The following CLDN16 variants were observed in gnomAD, a reference collection of about 807,000 sequenced individuals.
CLDN16 encodes the protein claudin 16, also known as claudin-16.
CLDN16 carries 13 observed loss-of-function variants against 24.6 expected under a neutral mutation model. That is an observed-to-expected ratio of 0.53 (90% CI 0.34 to 0.84). The LOEUF is 0.84. Ranked by LOEUF, CLDN16 falls within the 40% of genes least tolerant of loss-of-function variation. The pLI, the probability that CLDN16 is intolerant of heterozygous loss-of-function variation, is 0.01. For missense variants in CLDN16, 298 were observed against 292.7 expected (o/e 1.02, Z -0.13); for synonymous variants, 116 against 106.7 (o/e 1.09, Z -0.54).
chr3:190,402,187 T>C (rs1718979121), intron 1 of CLDN16, 150 bp from the exon 2 acceptor site: 1 of 701,390 alleles, frequency 1.4e-6, no homozygotes. Context: ...AATATTCTAA[T>C]ACGCATTGTT....
chr3:190,313,136 A>G, the CLDN16 span: 4 of 1,379,214 alleles, frequency 2.9e-6, no homozygotes, highest in Non-Finnish European at 4.1e-6. Context: ...GGAAGAGAGA[A>G]AACTGGACTA....
At chr3:190,363,556 G>GTGTATATATATATA (rs1301414615) in intron 1 of CLDN16, among the ~76,000 whole-genome samples, 42 of 87,356 alleles carry the variant, frequency 4.8e-4, no homozygotes, top group African/African-American at 1.9e-3. Context: ...GTGTGTGTGT[G>GTGTATATATATATA]TATATATATA....
intron 3 of CLDN16, among the ~76,000 whole-genome samples, chr3:190,375,248 C>A (rs547687120): frequency 6.6e-6 from 1 of 152,024 alleles, no homozygotes; most frequent in South Asian, 2.1e-4. Context: ...AACTTACTGA[C>A]AGCATTTTTG....
chr3:190,366,774 C>T (rs1718034447), intron 1 of CLDN16, among the ~76,000 whole-genome samples: 1 of 151,904 alleles, frequency 6.6e-6, no homozygotes, highest in South Asian at 2.1e-4. Context: ...AGGAAAGAAG[C>T]TCCCTATAAC....
At chr3:190,359,343 A>G (rs1717840441) in intron 1 of CLDN16, among the ~76,000 whole-genome samples, 1 of 152,040 alleles carries the variant, frequency 6.6e-6, no homozygotes, top group East Asian at 1.9e-4. Flanking sequence ...CTTAATGCCT[A>G]TGCAGTATTG....
At chr3:190,400,023 C>G (rs757170135) in intron 1 of CLDN16, among the ~76,000 whole-genome samples, 11 of 152,168 alleles carry the variant, frequency 7.2e-5, no homozygotes, top group African/African-American at 2.7e-4. Flanking sequence ...CCAAAAGCAT[C>G]CCCAACCCCC....
intron 1 of CLDN16, among the ~76,000 whole-genome samples, chr3:190,343,724 C>T (rs1717488123): frequency 6.6e-6 from 1 of 151,972 alleles, no homozygotes; most frequent in African/African-American, 2.4e-5. Flanking sequence ...TATCACATGA[C>T]TTCACTTATA....
chr3:190,315,723 C>A, the CLDN16 span, among the ~76,000 whole-genome samples: 1 of 152,068 alleles, frequency 6.6e-6, no homozygotes, highest in South Asian at 2.1e-4. Context: ...TTGTGGGGCC[C>A]CAAACTGGAC....
the CLDN16 span, chr3:190,312,994 A>T: frequency 6.2e-7 from 1 of 1,614,204 alleles, no homozygotes; most frequent in Non-Finnish European, 8.5e-7. Flanking sequence ...CACTCCCAGG[A>T]GGATGCCAAC....
chr3:190,349,669 A>T (rs1287886134), intron 1 of CLDN16, among the ~76,000 whole-genome samples: 1 of 152,204 alleles, frequency 6.6e-6, no homozygotes, highest in Non-Finnish European at 1.5e-5. Context: ...TTATCCATTG[A>T]CATGAGGTGA....
At chr3:190,311,169 A>G in the CLDN16 span, among the ~76,000 whole-genome samples, 1 of 152,146 alleles carries the variant, frequency 6.6e-6, no homozygotes. Flanking sequence ...GCTTACTCCT[A>G]AGAGAAGTCC....
chr3:190,320,140 A>G (rs1253158853), upstream of CLDN16, among the ~76,000 whole-genome samples: 1 of 152,258 alleles, frequency 6.6e-6, no homozygotes, highest in Non-Finnish European at 1.5e-5. Context: ...TAACCAAAAA[A>G]TGAAAGTAAA....
intron 1 of CLDN16, among the ~76,000 whole-genome samples, chr3:190,335,027 T>TTTC (rs201435108): frequency 0.042 from 4,398 of 105,682 alleles, 94 homozygotes; most frequent in South Asian, 0.1. Flanking sequence ...TTTTTTCTTT[T>TTTC]TTTTTTTTTT....
At chr3:190,389,182 C>T (rs773518339) in intron 1 of CLDN16, among the ~76,000 whole-genome samples, 3 of 152,002 alleles carry the variant, frequency 2.0e-5, no homozygotes, top group Non-Finnish European at 4.4e-5. Context: ...TACCTGTGGC[C>T]ATAGGAATCT....
Position 190,408,336 on chromosome 3 carries a change from T to C in CLDN16, c.405T>C (p.Ser135=). The C allele has an allele frequency of 5.0e-6, 8 of 1,614,158 alleles. No homozygotes were observed. Among genetic ancestry groups the C allele is most frequent in the Non-Finnish European group, 6.8e-6 (8 of 1,179,998 alleles). Reference sequence around the variant, plus strand: ...CAGGTACCCCAGGAATCATTGGCTCTGTGTGGTATGCTGTTGATGTGTATG... The same window carrying C: ...CAGGTACCCCAGGAATCATTGGCTCCGTGTGGTATGCTGTTGATGTGTATG... ...LIAGTPGIIG[S]VWYAVDVYVE... is the part of the protein sequence containing the mutation. The change falls in exon 4 of 5, where the codon TCT becomes TCC. Residue 135 remains serine (S), a synonymous_variant. Coordinates refer to ENST00000264734, the MANE Select transcript of CLDN16 (RefSeq NM_006580.4).
At chr3:190,357,732 A>G (rs1013760830) in intron 1 of CLDN16, among the ~76,000 whole-genome samples, 2 of 151,892 alleles carry the variant, frequency 1.3e-5, no homozygotes, top group African/African-American at 4.8e-5. Flanking sequence ...CCCAGATTGC[A>G]AATGTACCTC....
the CLDN16 span, among the ~76,000 whole-genome samples, chr3:190,291,863 T>G: frequency 6.6e-6 from 1 of 152,148 alleles, no homozygotes; most frequent in South Asian, 2.1e-4. Flanking sequence ...GGGCAGTTAT[T>G]AAATCTTAAA....
Position 190,408,346 on chromosome 3 carries a change from G to A in CLDN16, c.415G>A (p.Ala139Thr), listed in dbSNP as rs1270704258. ...AGGAATCATTGGCTCTGTGTGGTAT[G>A]CTGTTGATGTGTATGTGGAACGTTC... ...TPGIIGSVWY[A>T]VDVYVERSTL... The change falls in exon 4 of 5, where the codon GCT becomes ACT. Residue 139 changes from alanine to threonine, a missense_variant. Coordinates refer to ENST00000264734, the MANE Select transcript of CLDN16 (RefSeq NM_006580.4). The A allele has an allele frequency of 1.9e-6, 3 of 1,614,098 alleles. No individual in the cohort carries two copies. Among genetic ancestry groups the A allele is most frequent in the Non-Finnish European group, 2.5e-6 (3 of 1,179,996 alleles).
chr3:190,319,999 T>C (rs933938659), upstream of CLDN16, among the ~76,000 whole-genome samples: 4 of 152,196 alleles, frequency 2.6e-5, no homozygotes, highest in Non-Finnish European at 5.9e-5. Flanking sequence ...GGATAAACTA[T>C]GGCTTTAAGT....
Sources: gnomAD v4.1 joint callset for allele counts (sites outside exome capture counted in the v4.1 genomes callset) on GRCh38, gnomAD v4.1.1 for gene constraint, MANE v1.5 for transcripts, NCBI Gene and HGNC (gene_info 2026-07-23, HGNC 2026-07-21) for gene names.